The following PTPRD variants were observed in gnomAD, a reference collection of about 807,000 sequenced individuals.
PTPRD encodes the protein protein tyrosine phosphatase receptor type D.
In PTPRD, 34 loss-of-function variants were observed where a neutral mutation model predicts 214.5. The observed-to-expected ratio is 0.16, with a 90% CI of 0.12 to 0.21. The LOEUF (loss-of-function observed/expected upper bound fraction) is 0.21, where lower values mean the gene tolerates loss of function less well. Among genes scored for constraint, PTPRD ranks in the 10% least tolerant of loss-of-function variants. The pLI is 1.00. For synonymous variants in PTPRD, 1,128 were observed against 845.7 expected (o/e 1.33, Z -5.79); for missense variants, 2,545 against 2,398.7 (o/e 1.06, Z -1.27).
At chr9:8,668,293 T>C (rs117707545) in intron 12 of PTPRD, among the ~76,000 whole-genome samples, 1,643 of 152,332 alleles carry the variant, frequency 0.011, 15 homozygotes, top group Non-Finnish European at 0.02. Flanking sequence ...TCTTCTAACC[T>C]AAAAGAGGCT....
intron 8 of PTPRD, among the ~76,000 whole-genome samples, chr9:9,444,737 A>G (rs1330116913): frequency 6.6e-6 from 1 of 152,180 alleles, no homozygotes; most frequent in African/African-American, 2.4e-5. Context: ...CTCTTTAAAT[A>G]TATGCTTTTA....
intron 9 of PTPRD, among the ~76,000 whole-genome samples, chr9:9,262,588 T>G (rs755533730): frequency 1.3e-5 from 2 of 151,382 alleles, no homozygotes; most frequent in Non-Finnish European, 3.0e-5. Context: ...GACCTCAATA[T>G]AAATGAGTAA....
chr9:9,694,788 G>A (rs562183616), intron 7 of PTPRD, among the ~76,000 whole-genome samples: 2 of 152,148 alleles, frequency 1.3e-5, no homozygotes, highest in South Asian at 2.1e-4. Flanking sequence ...ACCAATGTTC[G>A]CTTAAAGACA....
intron 10 of PTPRD, among the ~76,000 whole-genome samples, chr9:9,080,537 T>C (rs1012120372): frequency 1.1e-4 from 16 of 152,084 alleles, no homozygotes; most frequent in Admixed American, 3.3e-4. Context: ...AATATACAAA[T>C]AGGGTTAGGT....
At chr9:9,601,953 T>C (rs1279131962) in intron 7 of PTPRD, among the ~76,000 whole-genome samples, 1 of 152,108 alleles carries the variant, frequency 6.6e-6, no homozygotes, top group African/African-American at 2.4e-5. Context: ...GAATTCTATA[T>C]TTTCTACCAC....
intron 3 of PTPRD, among the ~76,000 whole-genome samples, chr9:10,277,814 G>A (rs2094806075): frequency 6.6e-6 from 1 of 152,102 alleles, no homozygotes; most frequent in Non-Finnish European, 1.5e-5. Context: ...GAGATTCTGA[G>A]GAGATTCTGG....
chr9:8,842,512 G>C (rs186703274), intron 11 of PTPRD, among the ~76,000 whole-genome samples: 1 of 152,276 alleles, frequency 6.6e-6, no homozygotes, highest in African/African-American at 2.4e-5. Context: ...TGATATGGCT[G>C]TTCCATTACA....
intron 2 of PTPRD, among the ~76,000 whole-genome samples, chr9:10,561,400 G>C (rs1273381426): frequency 5.3e-5 from 8 of 152,094 alleles, no homozygotes; most frequent in Non-Finnish European, 1.0e-4. Flanking sequence ...TGATTTTAAT[G>C]ATCAGTGTTG....
chr9:9,488,105 G>C (rs1306081887), intron 8 of PTPRD, among the ~76,000 whole-genome samples: 1 of 152,140 alleles, frequency 6.6e-6, no homozygotes, highest in Non-Finnish European at 1.5e-5. Context: ...AAGAAATGGA[G>C]ACAGAAAGAT....
At chr9:9,088,049 T>C (rs1174123726) in intron 10 of PTPRD, among the ~76,000 whole-genome samples, 6 of 151,296 alleles carry the variant, frequency 4.0e-5, no homozygotes, top group African/African-American at 1.2e-4. Flanking sequence ...GCCTGGCTGA[T>C]TTTTGTATTT....
intron 3 of PTPRD, among the ~76,000 whole-genome samples, chr9:10,311,468 T>A (rs2096265222): frequency 6.6e-6 from 1 of 152,046 alleles, no homozygotes; most frequent in African/African-American, 2.4e-5. Flanking sequence ...CATCTTATTT[T>A]GAAATTCAGT....
chr9:10,510,300 T>C (rs2047551894), intron 2 of PTPRD, among the ~76,000 whole-genome samples: 1 of 152,120 alleles, frequency 6.6e-6, no homozygotes, highest in African/African-American at 2.4e-5. Context: ...GACAATCTGA[T>C]TGATCTTTAC....
intron 7 of PTPRD, among the ~76,000 whole-genome samples, chr9:9,699,138 C>A (rs537235328): frequency 1.3e-5 from 2 of 152,116 alleles, no homozygotes; most frequent in South Asian, 4.1e-4. Flanking sequence ...TGATAATTGG[C>A]TATTTTCGTT....
intron 9 of PTPRD, among the ~76,000 whole-genome samples, chr9:9,362,427 C>T (rs1452078280): frequency 6.6e-6 from 1 of 151,096 alleles, no homozygotes; most frequent in Non-Finnish European, 1.5e-5. Flanking sequence ...AAAACTACAA[C>T]ACAGTGTGAT....
intron 10 of PTPRD, among the ~76,000 whole-genome samples, chr9:9,093,869 G>A (rs147684937): frequency 6.0e-4 from 90 of 150,488 alleles, no homozygotes; most frequent in South Asian, 4.4e-3. Context: ...AGAAGGCAAT[G>A]AAACAAAAAA....
chr9:8,512,450 G>C (rs1280459832), intron 21 of PTPRD, among the ~76,000 whole-genome samples: 3 of 151,888 alleles, frequency 2.0e-5, no homozygotes, highest in African/African-American at 7.2e-5. Context: ...TCATAACTTT[G>C]GTTATTAGAA....
chr9:10,033,904 A>T (rs2097129347), intron 3 of PTPRD, 114 bp from the exon 4 acceptor site: 1 of 152,172 alleles, frequency 6.6e-6, no homozygotes, highest in Non-Finnish European at 1.5e-5. Flanking sequence ...TGCCTTGTAG[A>T]TAAATGAAAT....
intron 3 of PTPRD, among the ~76,000 whole-genome samples, chr9:10,106,580 C>G (rs1216034064): frequency 6.6e-6 from 1 of 151,750 alleles, no homozygotes; most frequent in African/African-American, 2.4e-5. Flanking sequence ...ATCTCAGCCT[C>G]TAACAAGAAG....
Position 8,518,297 on chromosome 9 carries a change from T to C in PTPRD, c.1094A>G (p.Glu365Gly). ...CACCCCATCAATTTCTTTGTAAAGTTCCTCAGAGTTTTTAGGTTTATGCTG... is the reference window on the plus strand; with the variant it reads ...CACCCCATCAATTTCTTTGTAAAGTCCCTCAGAGTTTTTAGGTTTATGCTG... ...IIQHKPKNSE[E>G]LYKEIDGVAT... Residue 365 changes from glutamate to glycine, a missense_variant, in exon 21 of 46, where the codon GAA (glutamate) becomes GGA (glycine). Glu to Gly is a moderately conservative substitution (Grantham distance 98, BLOSUM62 -2). Coordinates refer to ENST00000381196, the MANE Select transcript of PTPRD (RefSeq NM_002839.4). 1 of 1,614,106 alleles carries C rather than the reference T, an allele frequency of 6.2e-7. No homozygotes were observed. The highest frequency in any genetic ancestry group is 8.5e-7 in the Non-Finnish European group (1 of 1,180,002).
Sources: allele counts gnomAD v4.1 joint callset (sites outside exome capture counted in the v4.1 genomes callset), GRCh38; gene constraint gnomAD v4.1.1; transcripts MANE v1.5; gene names NCBI Gene and HGNC (gene_info 2026-07-23, HGNC 2026-07-21).